PRXL2A: variants seen among roughly 807,000 people sequenced by gnomAD.
PRXL2A encodes the protein peroxiredoxin like 2A.
A neutral mutation model predicts 25.6 loss-of-function variants in PRXL2A; 26 were observed. The ratio of observed to expected loss-of-function variants is 1.02; its 90% CI spans 0.74 to 1.41. PRXL2A has a LOEUF of 1.41. Ranked by LOEUF, PRXL2A falls within the 40% of genes most tolerant of loss-of-function variation. The probability of loss-of-function intolerance (pLI) is 0.00; values close to 1 mark genes in which losing one functional copy is unlikely to be tolerated. For synonymous variants in PRXL2A, 98 were observed against 102.9 expected (o/e 0.95, Z 0.29); for missense variants, 246 against 273.9 (o/e 0.90, Z 0.72).
chr10:80,432,577 G>T lies in PRXL2A; in HGVS notation c.*478G>T, dbSNP rs1449266698. 1 of 150,920 alleles carries T rather than the reference G, an allele frequency of 6.6e-6. No individual in the cohort carries two copies. The highest frequency in any genetic ancestry group is 1.5e-5 in the Non-Finnish European group (1 of 68,422). The allele number at this position is 150,920 out of a possible 1,614,324, so 9.3% of individuals were successfully genotyped here. On this transcript the variant is annotated 3_prime_UTR_variant, in exon 6 of 6. Transcript: ENST00000606162. ...AATCACTTGAACCTGGGAGGTGGAGGTTGCGGTGAGCTGAGATCACACCAC... is the reference window on the plus strand; with the variant it reads ...AATCACTTGAACCTGGGAGGTGGAGTTTGCGGTGAGCTGAGATCACACCAC...
In PRXL2A at chr10:80,435,089, C is replaced by G. The variant is rs1845367492; in HGVS notation, c.*2990C>G. The stretch of plus-strand genomic sequence containing the variant: ...GTTAGCCTGTTGTGGTGGCGCGCAC[C>G]TGTAATCCCAGCTACTCGGGTGGCT... On this transcript the variant is annotated 3_prime_UTR_variant, in exon 6 of 6. Transcript: ENST00000606162. 2 of 152,376 alleles carry G rather than the reference C, an allele frequency of 1.3e-5. No individual in the cohort carries two copies. Among genetic ancestry groups the G allele is most frequent in the South Asian group, 4.1e-4 (2 of 4,828 alleles). 9.4% of individuals were successfully genotyped at this position (152,376 alleles called of 1,614,324 possible).
intron 1 of PRXL2A, among the ~76,000 whole-genome samples, chr10:80,412,722 G>A (rs537063610): frequency 3.9e-5 from 6 of 152,158 alleles, no homozygotes; most frequent in Non-Finnish European, 8.8e-5. Context: ...AGGCATTTAC[G>A]TGGTTGGCCT....
At chr10:80,419,200 G>A (rs554556198) in intron 1 of PRXL2A, among the ~76,000 whole-genome samples, 8 of 152,052 alleles carry the variant, frequency 5.3e-5, no homozygotes, top group Admixed American at 4.6e-4. Context: ...TGGCCAGGAT[G>A]GTCTCCATCT....
In PRXL2A at chr10:80,436,744, A is replaced by G. The variant is rs1216668236; in HGVS notation, c.*4645A>G. On this transcript the variant is annotated 3_prime_UTR_variant, in exon 6 of 6. Coordinates refer to ENST00000606162, the MANE Select transcript of PRXL2A (RefSeq NM_032333.5). Reference sequence around the variant, plus strand: ...GAACCGGTTTTACCCAAAGCCAGCCATAAAACCTAAAAATAGTCCTCTCAC... The same window carrying G: ...GAACCGGTTTTACCCAAAGCCAGCCGTAAAACCTAAAAATAGTCCTCTCAC... 1 of 152,252 alleles carries G rather than the reference A, an allele frequency of 6.6e-6. No individual in the cohort carries two copies. The highest frequency in any genetic ancestry group is 6.5e-5 in the Admixed American group (1 of 15,280). 9.4% of individuals were successfully genotyped at this position (152,252 alleles called of 1,614,324 possible).
intron 5 of PRXL2A, 33 bp downstream of exon 5, chr10:80,427,529 G>A: frequency 6.2e-7 from 1 of 1,607,792 alleles, no homozygotes; most frequent in Non-Finnish European, 8.5e-7. Flanking sequence ...TGGTCTGTAG[G>A]TGTCTGTGTC....
chr10:80,420,986 A>G (rs934561015), intron 2 of PRXL2A, among the ~76,000 whole-genome samples: 1 of 152,234 alleles, frequency 6.6e-6, no homozygotes, highest in African/African-American at 2.4e-5. Flanking sequence ...AATAATTACA[A>G]TCTTTTACTA....
At chr10:80,424,182 A>G (rs1203157906) in intron 3 of PRXL2A, among the ~76,000 whole-genome samples, 1 of 152,088 alleles carries the variant, frequency 6.6e-6, no homozygotes, top group Non-Finnish European at 1.5e-5. Context: ...AGTTATTTTG[A>G]GTGGCCCAAC....
intron 5 of PRXL2A, among the ~76,000 whole-genome samples, chr10:80,429,711 G>T (rs981171570): frequency 1.3e-5 from 2 of 151,526 alleles, no homozygotes; most frequent in Non-Finnish European, 2.9e-5. Flanking sequence ...CTCCTTGGAG[G>T]TGTTTCCCAG....
At chr10:80,422,621 T>C in intron 3 of PRXL2A, 113 bp downstream of exon 3, 1 of 708,062 alleles carries the variant, frequency 1.4e-6, no homozygotes, top group Non-Finnish European at 2.4e-6. Context: ...ACCCACATGT[T>C]CTGTTCTGTT....
intron 1 of PRXL2A, among the ~76,000 whole-genome samples, chr10:80,413,472 G>A (rs1246286420): frequency 6.6e-6 from 1 of 152,194 alleles, no homozygotes; most frequent in African/African-American, 2.4e-5. Flanking sequence ...CAGGCTGCAC[G>A]AGGAGCCACA....
In PRXL2A at chr10:80,436,543, C is replaced by T. The variant is rs1292660377; in HGVS notation, c.*4444C>T. The T allele has an allele frequency of 1.3e-5, 2 of 152,180 alleles. No homozygotes were observed. The highest frequency in any genetic ancestry group is 4.8e-5 in the African/African-American group (2 of 41,418). 9.4% of individuals were successfully genotyped at this position (152,180 alleles called of 1,614,324 possible). On this transcript the variant is annotated 3_prime_UTR_variant, in exon 6 of 6. Coordinates refer to ENST00000606162, the MANE Select transcript of PRXL2A (RefSeq NM_032333.5). ...CACGTCAGGAGACCTTACCTGGAGC[C>T]AGGATGCCCCTGATCATCTCTGATA... is the stretch of plus-strand genomic sequence containing the variant.
chr10:80,425,187 A>T (rs983901104), intron 3 of PRXL2A, among the ~76,000 whole-genome samples: 6 of 152,298 alleles, frequency 3.9e-5, no homozygotes, highest in African/African-American at 1.2e-4. Context: ...CTTTACCATG[A>T]CTCATGCAGT....
chr10:80,434,703 A>C lies in PRXL2A; in HGVS notation c.*2604A>C, dbSNP rs572451665. 1.3e-5 allele frequency: 2 copies of C among 152,188 alleles called. No homozygotes were observed. The highest frequency in any genetic ancestry group is 4.1e-4 in the South Asian group (2 of 4,828). The allele number at this position is 152,188 out of a possible 1,614,324, so 9.4% of individuals were successfully genotyped here. On this transcript the variant is annotated 3_prime_UTR_variant, in exon 6 of 6. Coordinates refer to ENST00000606162, the MANE Select transcript of PRXL2A (RefSeq NM_032333.5). ...GGAGATTGGTCAATGTGATTCGGCT[A>C]TCTGTGTCTACTAACTCTCAAATTT...
At position 80,428,803 on chromosome 10, in the gene PRXL2A, G is replaced by A. The variant is rs940707650; in HGVS notation, c.576+1307G>A. On this transcript the variant is annotated intron_variant, in intron 5 of 5. Transcript: ENST00000606162. The stretch of plus-strand genomic sequence containing the variant: ...GTGTTTTCTTTCTGTAGAAAGATGG[G>A]GTTTATCTGCATTGTTGGATCTCAC... Among the ~76,000 whole-genome samples the A allele has an allele frequency of 3.9e-5, 6 of 152,082 alleles. No homozygotes were observed. The East Asian group carries it at 7.7e-4, about 20-fold the overall frequency.
intron 4 of PRXL2A, among the ~76,000 whole-genome samples, chr10:80,426,647 C>T (rs1845051239): frequency 6.6e-6 from 1 of 152,168 alleles, no homozygotes; most frequent in Non-Finnish European, 1.5e-5. Flanking sequence ...GTACAAAGCC[C>T]CACACCCTGT....
chr10:80,425,513 A>G (rs59137417), intron 3 of PRXL2A, among the ~76,000 whole-genome samples: 11,387 of 152,272 alleles, frequency 0.075, 1,043 homozygotes, highest in African/African-American at 0.21. Flanking sequence ...TGGACTAGCC[A>G]GGGAGATCTT....
At chr10:80,427,309 G>A in intron 4 of PRXL2A, 23 bp from the exon 5 acceptor site, 1 of 1,611,022 alleles carries the variant, frequency 6.2e-7, no homozygotes, top group South Asian at 1.1e-5. Context: ...ACTCATATGG[G>A]ATCTGTCTTT....
intron 1 of PRXL2A, among the ~76,000 whole-genome samples, chr10:80,419,256 T>A (rs1265779370): frequency 6.6e-6 from 1 of 152,014 alleles, no homozygotes. Context: ...AGTGCTGGGA[T>A]TACAGGCATG....
At chr10:80,429,583 G>A (rs1224403926) in intron 5 of PRXL2A, among the ~76,000 whole-genome samples, 2 of 57,838 alleles carry the variant, frequency 3.5e-5, no homozygotes, top group Non-Finnish European at 7.1e-5. Context: ...CCTGCCCCTA[G>A]CCTCTCCTGC....
Sources: gnomAD v4.1 joint callset for allele counts (sites outside exome capture counted in the v4.1 genomes callset) on GRCh38, gnomAD v4.1.1 for gene constraint, MANE v1.5 for transcripts, NCBI Gene and HGNC (gene_info 2026-07-23, HGNC 2026-07-21) for gene names.